Variants in FBXO21 observed in about 807,000 individuals in gnomAD.
FBXO21 encodes F-box protein 21.
FBXO21 carries 32 observed loss-of-function variants against 76.6 expected under a neutral mutation model. The ratio of observed to expected loss-of-function variants is 0.42; its 90% CI spans 0.32 to 0.56. The LOEUF is 0.56. Ranked by LOEUF, FBXO21 falls within the 20% of genes least tolerant of loss-of-function variation. FBXO21 has a pLI of 0.16. For synonymous variants in FBXO21, 328 were observed against 311.5 expected, an observed-to-expected ratio of 1.05 and a Z score of -0.56; for missense variants, 586 against 797.3, an observed-to-expected ratio of 0.73 and a Z score of 3.19.
At chr12:117,164,626 T>C (rs1956030080) in intron 9 of FBXO21, among the ~76,000 whole-genome samples, 1 of 152,184 alleles carries the variant, frequency 6.6e-6, no homozygotes, top group Non-Finnish European at 1.5e-5. Flanking sequence ...TGATGCATCA[T>C]TTCTTAGAAC....
chr12:117,148,286 C>T (rs1955801829), intron 11 of FBXO21, among the ~76,000 whole-genome samples: 1 of 152,254 alleles, frequency 6.6e-6, no homozygotes, highest in African/African-American at 2.4e-5. Context: ...GAGGAAGTCA[C>T]AGACACGTCA....
At chr12:117,180,438 CA>C (rs1204436067) in intron 3 of FBXO21, among the ~76,000 whole-genome samples, 1 of 152,152 alleles carries the variant, frequency 6.6e-6, no homozygotes, top group Non-Finnish European at 1.5e-5. Context: ...ACTTCTAATT[CA>C]AAAATATATG....
At chr12:117,164,919 C>T (rs1344377026) in intron 9 of FBXO21, among the ~76,000 whole-genome samples, 1 of 152,224 alleles carries the variant, frequency 6.6e-6, no homozygotes, top group Non-Finnish European at 1.5e-5. Context: ...TGCAGCCACA[C>T]AGCTCACGGA....
chr12:117,162,053 G>C (rs564790826), intron 9 of FBXO21, among the ~76,000 whole-genome samples: 1 of 152,338 alleles, frequency 6.6e-6, no homozygotes, highest in African/African-American at 2.4e-5. Flanking sequence ...TGAGTGGGAG[G>C]CAGACTAAGA....
In FBXO21 at chr12:117,142,953, C is replaced by A. The variant is rs897809028; in HGVS notation, c.*3134G>T. ...ATGCAATGGAAAACTGAGCCGGCAA[C>A]AGTACTTAATGCTGGTTTTCTCAAT... On this transcript the variant is annotated 3_prime_UTR_variant, in exon 12 of 12. Coordinates refer to ENST00000622495, the MANE Select transcript of FBXO21 (RefSeq NM_015002.3). 1 of 152,164 alleles carries A rather than the reference C, an allele frequency of 6.6e-6. No homozygotes were observed. Among genetic ancestry groups the A allele is most frequent in the Admixed American group, 6.5e-5 (1 of 15,284 alleles). 9.4% of individuals were successfully genotyped at this position (152,164 alleles called of 1,614,324 possible).
chr12:117,173,037 T>A (rs1446168497), intron 6 of FBXO21, among the ~76,000 whole-genome samples: 1 of 87,976 alleles, frequency 1.1e-5, no homozygotes, highest in Non-Finnish European at 2.6e-5. Context: ...GCTGAAATAA[T>A]TTTTTTTTTT....
At chr12:117,186,079 G>A (rs913113199) in intron 3 of FBXO21, among the ~76,000 whole-genome samples, 5 of 152,130 alleles carry the variant, frequency 3.3e-5, no homozygotes, top group South Asian at 2.1e-4. Context: ...GTTTCACCAC[G>A]TTGGCCAGGC....
intron 11 of FBXO21, among the ~76,000 whole-genome samples, chr12:117,146,706 C>T (rs1955774219): frequency 6.6e-6 from 1 of 152,162 alleles, no homozygotes; most frequent in Non-Finnish European, 1.5e-5. Context: ...ACCTGCCACC[C>T]CTCTCCTCTA....
intron 8 of FBXO21, among the ~76,000 whole-genome samples, chr12:117,166,147 G>A (rs568545109): frequency 6.8e-5 from 10 of 147,008 alleles, no homozygotes; most frequent in African/African-American, 2.0e-4. Flanking sequence ...CTGAGATCAC[G>A]CCATTGCACT....
chr12:117,165,228 T>C lies in FBXO21; in HGVS notation c.1326+257A>G, dbSNP rs76331740. The stretch of plus-strand genomic sequence containing the variant: ...CGATCTGAGGGCCCCAGTGGTTGAG[T>C]AGCGGGTACAGAGGCTTTGTGGTTC... On this transcript the variant is annotated intron_variant, in intron 9 of 11. Coordinates refer to ENST00000622495, the MANE Select transcript of FBXO21 (RefSeq NM_015002.3). 3.1e-3 allele frequency among the ~76,000 whole-genome samples: 466 copies of C among 152,128 alleles called. 2 individuals are homozygous for C. Among genetic ancestry groups the C allele is most frequent in the African/African-American group, 0.01 (430 of 41,502 alleles).
Position 117,160,196 on chromosome 12 carries a change from A to G in FBXO21, c.1327-2133T>C, listed in dbSNP as rs570718719. Among the ~76,000 whole-genome samples the G allele has an allele frequency of 3.3e-5, 5 of 152,290 alleles. No individual in the cohort carries two copies. The East Asian group carries it at 9.6e-4, about 29-fold the overall frequency. On this transcript the variant is annotated intron_variant, in intron 9 of 11. Coordinates refer to ENST00000622495, the MANE Select transcript of FBXO21 (RefSeq NM_015002.3). Reference sequence around the variant, plus strand: ...CCTGATTTAACTACTCAACTCTGCCACTGTAGCTTGAAAAAAGCTATAGAT... The same window carrying G: ...CCTGATTTAACTACTCAACTCTGCCGCTGTAGCTTGAAAAAAGCTATAGAT...
chr12:117,151,461 T>C (rs1955842044), intron 11 of FBXO21, among the ~76,000 whole-genome samples: 1 of 152,186 alleles, frequency 6.6e-6, no homozygotes, highest in Non-Finnish European at 1.5e-5. Flanking sequence ...CGTGCAGAGC[T>C]AGTAATTAGA....
chr12:117,158,101 T>C (rs1955937681), intron 9 of FBXO21, 38 bp from the exon 10 acceptor site: 4 of 1,612,150 alleles, frequency 2.5e-6, no homozygotes, highest in Non-Finnish European at 3.4e-6. Flanking sequence ...GATAATATTT[T>C]CAGCTAGGCC....
intron 4 of FBXO21, among the ~76,000 whole-genome samples, chr12:117,175,231 A>G (rs1338326922): frequency 1.3e-5 from 2 of 152,202 alleles, no homozygotes; most frequent in Non-Finnish European, 2.9e-5. Context: ...AACAACTTGA[A>G]AGCCCTCCAT....
chr12:117,170,421 A>C (rs1011847400), intron 7 of FBXO21, among the ~76,000 whole-genome samples: 2 of 152,244 alleles, frequency 1.3e-5, no homozygotes, highest in Non-Finnish European at 2.9e-5. Flanking sequence ...CAAAAGCTAA[A>C]AACAGCCAAG....
chr12:117,174,844 T>C (rs1218757767), intron 4 of FBXO21, 47 bp from the exon 5 acceptor site: 1 of 1,590,456 alleles, frequency 6.3e-7, no homozygotes, highest in Non-Finnish European at 8.6e-7. Context: ...GTTACCCTTT[T>C]CTTATTAGTT....
At chr12:117,157,842 C>T (rs1423093685) in intron 10 of FBXO21, 31 bp downstream of exon 10, 7 of 1,541,064 alleles carry the variant, frequency 4.5e-6, no homozygotes, top group Non-Finnish European at 8.8e-7. Context: ...CTGGAACGGA[C>T]ACTGCAGGAC....
Position 117,146,125 on chromosome 12 carries a change from T to C in FBXO21, c.1828A>G (p.Asn610Asp). Residue 610 changes from asparagine (N) to aspartate (D), a missense_variant, in exon 12 of 12, where the codon AAT (asparagine) becomes GAT (aspartate). By Grantham distance (23) the Asn-to-Asp change is conservative. Transcript: ENST00000622495. Reference sequence around the variant, plus strand: ...TTCTCTTTCTTTGCACTGTAAATATTCTGCACCGTTTCATAGACAAACTCC... The same window carrying C: ...TTCTCTTTCTTTGCACTGTAAATATCCTGCACCGTTTCATAGACAAACTCC... ...DLEFVYETVQ[N>D]IYSAKKENID... 6.2e-7 allele frequency: 1 copy of C among 1,612,592 alleles called. No homozygotes were observed. The highest frequency in any genetic ancestry group is 8.5e-7 in the Non-Finnish European group (1 of 1,179,470).
intron 11 of FBXO21, among the ~76,000 whole-genome samples, chr12:117,153,495 T>G (rs569264419): frequency 5.3e-5 from 8 of 151,804 alleles, no homozygotes; most frequent in Non-Finnish European, 7.4e-5. Flanking sequence ...GTTACAGAGG[T>G]GGGCACGGAG....
Sources: allele counts gnomAD v4.1 joint callset (sites outside exome capture counted in the v4.1 genomes callset), GRCh38; gene constraint gnomAD v4.1.1; transcripts MANE v1.5; gene names NCBI Gene and HGNC (gene_info 2026-07-23, HGNC 2026-07-21).